SLC39A8: variants seen among roughly 807,000 people sequenced by gnomAD.
The protein encoded by SLC39A8 is metal cation symporter ZIP8.
A neutral mutation model predicts 40.4 loss-of-function variants in SLC39A8; 15 were observed. The observed-to-expected ratio is 0.37, with a 90% CI of 0.25 to 0.57. The LOEUF (loss-of-function observed/expected upper bound fraction) is 0.57, where lower values mean the gene tolerates loss of function less well. SLC39A8 is among the 20% of genes least tolerant of loss of function. The probability of loss-of-function intolerance (pLI) is 0.75; values close to 1 mark genes in which losing one functional copy is unlikely to be tolerated. For synonymous variants in SLC39A8, 223 were observed against 221.6 expected, an observed-to-expected ratio of 1.01 and a Z score of -0.06; for missense variants, 472 against 558.8, an observed-to-expected ratio of 0.84 and a Z score of 1.57.
intron 2 of SLC39A8, among the ~76,000 whole-genome samples, chr4:102,336,297 G>A (rs535098987): frequency 3.7e-4 from 57 of 152,252 alleles, no homozygotes; most frequent in Non-Finnish European, 7.2e-4. Flanking sequence ...ATTACAAAAA[G>A]AGGGTAAGTC....
intron 2 of SLC39A8, among the ~76,000 whole-genome samples, chr4:102,321,397 G>A (rs1411955226): frequency 1.3e-5 from 2 of 152,172 alleles, no homozygotes; most frequent in African/African-American, 4.8e-5. Flanking sequence ...TGGAGCCATG[G>A]GAATTTCCCG....
At chr4:102,328,113 C>A (rs1445449820) in intron 2 of SLC39A8, among the ~76,000 whole-genome samples, 2 of 152,058 alleles carry the variant, frequency 1.3e-5, no homozygotes, top group African/African-American at 2.4e-5. Flanking sequence ...ATTTAGATGG[C>A]CCATGGGTTA....
In SLC39A8 at chr4:102,307,592, T is replaced by A. The variant is rs369321238; in HGVS notation, c.396A>T (p.Gly132=). The change falls in exon 4 of 9, where the codon GGA becomes GGT. Residue 132 remains glycine (G), a synonymous_variant. Transcript: ENST00000356736. ...GATTAATAATCGTCACTGACAGGAA[T>A]CCATATCCCCAAACTGTGGGTCAGA... ...RPSHSEVWGY[G]FLSVTIINLA... The A allele has an allele frequency of 8.1e-6, 13 of 1,612,906 alleles. No homozygotes were observed. In the African/African-American group the frequency reaches 1.3e-4, roughly 17 times the overall value.
intron 3 of SLC39A8, among the ~76,000 whole-genome samples, chr4:102,310,995 T>C (rs923443874): frequency 3.9e-5 from 6 of 152,148 alleles, no homozygotes; most frequent in African/African-American, 9.6e-5. Flanking sequence ...CCCATTTTAA[T>C]AGTGAGGAAA....
chr4:102,325,074 C>T (rs988348657), intron 2 of SLC39A8, among the ~76,000 whole-genome samples: 1 of 151,896 alleles, frequency 6.6e-6, no homozygotes, highest in African/African-American at 2.4e-5. Flanking sequence ...TACATACATA[C>T]TTATATATAC....
chr4:102,294,045 C>G (rs1483058653), intron 6 of SLC39A8, among the ~76,000 whole-genome samples: 1 of 151,414 alleles, frequency 6.6e-6, no homozygotes, highest in Non-Finnish European at 1.5e-5. Flanking sequence ...CTTATTTATA[C>G]AGGAAAAAAC....
downstream of SLC39A8, among the ~76,000 whole-genome samples, chr4:102,258,541 G>A (rs1314566716): frequency 2.6e-5 from 4 of 152,078 alleles, no homozygotes; most frequent in African/African-American, 9.7e-5. Flanking sequence ...AATTCAATTT[G>A]TATTCAAAGG....
intron 2 of SLC39A8, among the ~76,000 whole-genome samples, chr4:102,337,379 A>C (rs1252340613): frequency 6.6e-6 from 1 of 152,172 alleles, no homozygotes; most frequent in Admixed American, 6.5e-5. Context: ...GATAAGAATA[A>C]ATCATGGAAA....
chr4:102,321,254 A>G (rs1214542585), intron 2 of SLC39A8, among the ~76,000 whole-genome samples: 1 of 152,244 alleles, frequency 6.6e-6, no homozygotes, highest in Non-Finnish European at 1.5e-5. Flanking sequence ...GAAATAGTCA[A>G]AAACAACATT....
intron 2 of SLC39A8, among the ~76,000 whole-genome samples, chr4:102,328,499 G>T (rs1437637436): frequency 6.6e-6 from 1 of 152,058 alleles, no homozygotes; most frequent in Non-Finnish European, 1.5e-5. Context: ...AGGAGGGAAA[G>T]GAATATTAAT....
intron 6 of SLC39A8, 76 bp downstream of exon 6, chr4:102,304,241 T>A: frequency 8.7e-7 from 1 of 1,145,572 alleles, no homozygotes. Flanking sequence ...AAAAACTGAC[T>A]TAGCTGCATA....
chr4:102,322,609 C>T (rs1162732699), intron 2 of SLC39A8, among the ~76,000 whole-genome samples: 1 of 152,116 alleles, frequency 6.6e-6, no homozygotes, highest in Non-Finnish European at 1.5e-5. Flanking sequence ...TAATACAATA[C>T]AGTAAGACCA....
intron 6 of SLC39A8, among the ~76,000 whole-genome samples, chr4:102,270,173 A>G (rs1187332516): frequency 6.6e-6 from 1 of 152,180 alleles, no homozygotes; most frequent in Admixed American, 6.5e-5. Flanking sequence ...TATTGTGATG[A>G]CTTCAGAAGA....
chr4:102,277,267 A>G (rs233830), intron 6 of SLC39A8, among the ~76,000 whole-genome samples: 25,493 of 152,244 alleles, frequency 0.17, 2,530 homozygotes, highest in Non-Finnish European at 0.23. Context: ...AAACTCCTTA[A>G]GCTGCTAAGC....
At chr4:102,306,237 T>G (rs1467773012) in intron 4 of SLC39A8, among the ~76,000 whole-genome samples, 1 of 151,944 alleles carries the variant, frequency 6.6e-6, no homozygotes, top group East Asian at 1.9e-4. Flanking sequence ...TTAGTTTGTT[T>G]AATTTACTTT....
At chr4:102,254,088 C>A (rs924680298) in intron 11 of SLC39A8, among the ~76,000 whole-genome samples, 1 of 152,136 alleles carries the variant, frequency 6.6e-6, no homozygotes, top group East Asian at 1.9e-4. Flanking sequence ...GAAATGAATT[C>A]GACGTTATTC....
chr4:102,319,725 G>C (rs1366568191), intron 2 of SLC39A8, among the ~76,000 whole-genome samples: 1 of 151,938 alleles, frequency 6.6e-6, no homozygotes, highest in African/African-American at 2.4e-5. Context: ...TTTTCCCCTT[G>C]TGATCATTAA....
intron 6 of SLC39A8, among the ~76,000 whole-genome samples, chr4:102,273,132 G>A (rs867117233): frequency 6.6e-6 from 1 of 152,168 alleles, no homozygotes. Flanking sequence ...TGAAGCCAGG[G>A]AGCCAAGTGG....
At chr4:102,270,481 T>A (rs1375882194) in intron 6 of SLC39A8, among the ~76,000 whole-genome samples, 1 of 152,204 alleles carries the variant, frequency 6.6e-6, no homozygotes, top group Non-Finnish European at 1.5e-5. Context: ...AACACTAAAT[T>A]CAAGTTCCTG....
Sources: gnomAD v4.1 joint callset for allele counts (sites outside exome capture counted in the v4.1 genomes callset) on GRCh38, gnomAD v4.1.1 for gene constraint, MANE v1.5 for transcripts, NCBI Gene and HGNC (gene_info 2026-07-23, HGNC 2026-07-21) for gene names.